The following OSBPL8 variants were observed in gnomAD, a reference collection of about 807,000 sequenced individuals.
OSBPL8 encodes the protein oxysterol binding protein like 8.
Under a neutral mutation model 125.5 loss-of-function variants are expected in OSBPL8, and 59 were observed. The observed-to-expected ratio is 0.47, with a 90% CI of 0.38 to 0.58. The LOEUF (loss-of-function observed/expected upper bound fraction) is 0.58. Ranked by LOEUF, OSBPL8 falls within the 20% of genes least tolerant of loss-of-function variation. The pLI is 0.00. For synonymous variants in OSBPL8, 330 were observed against 338.9 expected (o/e 0.97, Z 0.29); for missense variants, 758 against 1,047.8 (o/e 0.72, Z 3.82).
At chr12:76,404,909 C>T (rs183414966) in intron 5 of OSBPL8, among the ~76,000 whole-genome samples, 2 of 152,112 alleles carry the variant, frequency 1.3e-5, no homozygotes, top group Non-Finnish European at 2.9e-5. Context: ...CGAGGATCAA[C>T]TGTATATACG....
intron 1 of OSBPL8, among the ~76,000 whole-genome samples, chr12:76,548,362 G>A (rs886461313): frequency 6.6e-6 from 1 of 152,026 alleles, no homozygotes; most frequent in African/African-American, 2.4e-5. Context: ...AAGATCCCCA[G>A]GAAAGCATGA....
intron 2 of OSBPL8, among the ~76,000 whole-genome samples, chr12:76,472,136 T>C (rs1391827278): frequency 6.6e-6 from 1 of 152,232 alleles, no homozygotes; most frequent in Non-Finnish European, 1.5e-5. Context: ...GACTCCATCG[T>C]CTACTTGTCG....
intron 1 of OSBPL8, among the ~76,000 whole-genome samples, chr12:76,496,835 C>A (rs960195018): frequency 6.6e-6 from 1 of 152,158 alleles, no homozygotes; most frequent in African/African-American, 2.4e-5. Flanking sequence ...AGCCACCGTG[C>A]GTGGCCTTGG....
At chr12:76,492,921 T>C (rs1878874580) in intron 1 of OSBPL8, among the ~76,000 whole-genome samples, 1 of 150,792 alleles carries the variant, frequency 6.6e-6, no homozygotes, top group South Asian at 2.1e-4. Context: ...TAGATATATA[T>C]AGATATATAT....
chr12:76,517,221 T>C (rs1881631638), intron 1 of OSBPL8, among the ~76,000 whole-genome samples: 1 of 152,196 alleles, frequency 6.6e-6, no homozygotes, highest in Non-Finnish European at 1.5e-5. Context: ...ATGTTCTCTT[T>C]ACAATTAAAA....
At chr12:76,356,555 A>G in intron 23 of OSBPL8, 71 bp downstream of exon 23, 2 of 936,614 alleles carry the variant, frequency 2.1e-6, no homozygotes, top group Non-Finnish European at 3.3e-6. Flanking sequence ...TCTGCATATG[A>G]TTTCCCATAT....
Position 76,386,484 on chromosome 12 carries a change from G to C in OSBPL8, c.1434+95C>G, listed in dbSNP as rs183405385. The C allele has an allele frequency of 9.1e-6, 12 of 1,319,454 alleles. No individual in the cohort carries two copies. The Admixed American group carries it at 3.0e-4, about 33-fold the overall frequency. The allele number at this position is 1,319,454 out of a possible 1,614,324, so 81.7% of individuals were successfully genotyped here. ...AATTTTGCTACGTCAAAGAAGCCCA[G>C]TAATGTAACTGTTAACACACAATCT... is the stretch of plus-strand genomic sequence containing the variant. On this transcript the variant is annotated intron_variant, in intron 13 of 23. Transcript: ENST00000261183.
At chr12:76,452,349 T>TA (rs1873521080) in intron 3 of OSBPL8, among the ~76,000 whole-genome samples, 2 of 152,228 alleles carry the variant, frequency 1.3e-5, no homozygotes, top group South Asian at 2.1e-4. Flanking sequence ...CCAAGTCAAT[T>TA]AAAAAAATGT....
intron 1 of OSBPL8, among the ~76,000 whole-genome samples, chr12:76,528,187 G>A (rs972491399): frequency 2.0e-5 from 3 of 152,052 alleles, no homozygotes; most frequent in African/African-American, 7.2e-5. Context: ...TGGGCATGGT[G>A]GCACATGCCT....
At chr12:76,407,906 T>C (rs972656640) in intron 5 of OSBPL8, among the ~76,000 whole-genome samples, 2 of 152,066 alleles carry the variant, frequency 1.3e-5, no homozygotes, top group African/African-American at 2.4e-5. Flanking sequence ...CTTGGGGAAT[T>C]AATTTGTCTG....
At chr12:76,420,709 A>C (rs1869369821) in intron 4 of OSBPL8, among the ~76,000 whole-genome samples, 1 of 152,046 alleles carries the variant, frequency 6.6e-6, no homozygotes, top group African/African-American at 2.4e-5. Flanking sequence ...CATCTAAAAT[A>C]ATTTTTTCAA....
chr12:76,358,689 G>A lies in OSBPL8; in HGVS notation c.2434+17C>T. 6.4e-7 allele frequency: 1 copy of A among 1,560,364 alleles called. No homozygotes were observed. The highest frequency in any genetic ancestry group is 8.8e-7 in the Non-Finnish European group (1 of 1,131,440). ...TAAAAAGTTAGACTCTCATTAGTCT[G>A]CAATAAATATTTTTACCTTCACTTC... On this transcript the variant is annotated intron_variant, in intron 22 of 23. Coordinates refer to ENST00000261183, the MANE Select transcript of OSBPL8 (RefSeq NM_020841.5).
chr12:76,417,459 C>T (rs530422339), intron 4 of OSBPL8, among the ~76,000 whole-genome samples: 2 of 152,196 alleles, frequency 1.3e-5, no homozygotes, highest in East Asian at 1.9e-4. Context: ...ACTTTTTATC[C>T]TATTTTGTCT....
chr12:76,443,045 A>G (rs1026109395), intron 4 of OSBPL8, among the ~76,000 whole-genome samples: 3 of 152,232 alleles, frequency 2.0e-5, no homozygotes, highest in Non-Finnish European at 4.4e-5. Context: ...AAGGGATAAG[A>G]GACACAAAAC....
rs545785872 is a variant in OSBPL8, at chr12:76,425,277, T to C, written c.218-14643A>G. ...TACCATTTAAAATAATTTACTACAG[T>C]AGCCCTTCTCAGCTGGGGTTCTGCA... On this transcript the variant is annotated intron_variant, in intron 4 of 23. Coordinates refer to ENST00000261183, the MANE Select transcript of OSBPL8 (RefSeq NM_020841.5). 6.6e-5 allele frequency among the ~76,000 whole-genome samples: 10 copies of C among 152,336 alleles called. No individual in the cohort carries two copies. The South Asian group carries it at 1.4e-3, about 22-fold the overall frequency.
chr12:76,453,969 A>G (rs1235826331), intron 3 of OSBPL8, among the ~76,000 whole-genome samples: 1 of 152,220 alleles, frequency 6.6e-6, no homozygotes, highest in African/African-American at 2.4e-5. Context: ...TTTAGTAATG[A>G]GGCAAATACA....
At chr12:76,522,933 G>A (rs1950063438) in intron 1 of OSBPL8, among the ~76,000 whole-genome samples, 1 of 152,172 alleles carries the variant, frequency 6.6e-6, no homozygotes, top group Admixed American at 6.5e-5. Flanking sequence ...CTGTGAATGA[G>A]CTCAAGTGAT....
chr12:76,398,860 GGC>G (rs1387545950), intron 7 of OSBPL8, among the ~76,000 whole-genome samples: 2 of 152,248 alleles, frequency 1.3e-5, no homozygotes, highest in South Asian at 4.1e-4. Flanking sequence ...AGACAAGAGA[GGC>G]GAAAGGGAGA....
At chr12:76,421,857 C>A (rs1327529210) in intron 4 of OSBPL8, among the ~76,000 whole-genome samples, 1 of 151,018 alleles carries the variant, frequency 6.6e-6, no homozygotes, top group Non-Finnish European at 1.5e-5. Flanking sequence ...TTGTTTAATG[C>A]CTAAATCATA....
Sources: allele counts gnomAD v4.1 joint callset (sites outside exome capture counted in the v4.1 genomes callset), GRCh38; gene constraint gnomAD v4.1.1; transcripts MANE v1.5; gene names NCBI Gene and HGNC (gene_info 2026-07-23, HGNC 2026-07-21).